The following SOX6 variants were observed in gnomAD, a reference collection of about 807,000 sequenced individuals.
The protein encoded by SOX6 is transcription factor SOX-6.
A neutral mutation model predicts 97.8 loss-of-function variants in SOX6; 11 were observed. That is an observed-to-expected ratio of 0.11 (90% CI 0.07 to 0.19). The LOEUF (loss-of-function observed/expected upper bound fraction) is 0.19. Among genes scored for constraint, SOX6 ranks in the 10% least tolerant of loss-of-function variants. The pLI, the probability that SOX6 is intolerant of heterozygous loss-of-function variation, is 1.00. For missense variants in SOX6, 810 were observed against 1,039.5 expected (o/e 0.78, Z 3.04); for synonymous variants, 360 against 371.4 (o/e 0.97, Z 0.35).
intron 4 of SOX6, among the ~76,000 whole-genome samples, chr11:16,490,477 C>T (rs894167194): frequency 6.6e-6 from 1 of 152,044 alleles, no homozygotes; most frequent in South Asian, 2.1e-4. Flanking sequence ...TGATAAAATT[C>T]TATGTTCACA....
chr11:16,437,987 A>G (rs934213626), intron 1 of SOX6, among the ~76,000 whole-genome samples: 2 of 152,042 alleles, frequency 1.3e-5, no homozygotes, highest in African/African-American at 2.4e-5. Flanking sequence ...ATCAGTAAAC[A>G]ATATTGGATA....
intron 13 of SOX6, among the ~76,000 whole-genome samples, chr11:16,012,003 T>C (rs1854745173): frequency 6.6e-6 from 1 of 152,068 alleles, no homozygotes; most frequent in South Asian, 2.1e-4. Flanking sequence ...ACCATATGTT[T>C]AAAGAGGTCA....
chr11:16,489,320 A>G (rs937261338), intron 4 of SOX6, among the ~76,000 whole-genome samples: 1 of 152,168 alleles, frequency 6.6e-6, no homozygotes, highest in Admixed American at 6.5e-5. Context: ...TGTCATTAAC[A>G]TGCAAGTAAA....
chr11:16,524,536 G>C (rs998101629), intron 4 of SOX6, among the ~76,000 whole-genome samples: 1 of 150,894 alleles, frequency 6.6e-6, no homozygotes, highest in Non-Finnish European at 1.5e-5. Context: ...TACTGAATGG[G>C]CAAAAACTGG....
chr11:16,537,320 C>A (rs752099569), intron 4 of SOX6, among the ~76,000 whole-genome samples: 2 of 152,152 alleles, frequency 1.3e-5, no homozygotes, highest in African/African-American at 2.4e-5. Flanking sequence ...ATCTGTAGGT[C>A]ACCAACATCA....
At chr11:16,064,259 G>A (rs1848037182) in intron 9 of SOX6, among the ~76,000 whole-genome samples, 1 of 151,598 alleles carries the variant, frequency 6.6e-6, no homozygotes, top group African/African-American at 2.4e-5. Flanking sequence ...GATAAAATGG[G>A]AATTGAGGGG....
At chr11:16,352,130 A>AT (rs1191241805) in intron 1 of SOX6, among the ~76,000 whole-genome samples, 1 of 152,070 alleles carries the variant, frequency 6.6e-6, no homozygotes, top group Non-Finnish European at 1.5e-5. Flanking sequence ...TGGACAATAA[A>AT]TTCACCTCAT....
At chr11:16,447,298 C>A (rs1049601957) in intron 1 of SOX6, among the ~76,000 whole-genome samples, 6 of 152,110 alleles carry the variant, frequency 3.9e-5, no homozygotes, top group Non-Finnish European at 7.4e-5. Flanking sequence ...AATATGAATT[C>A]TGGCTCTATC....
At chr11:16,531,309 C>T (rs545296809) in intron 4 of SOX6, among the ~76,000 whole-genome samples, 2 of 151,628 alleles carry the variant, frequency 1.3e-5, no homozygotes, top group South Asian at 2.1e-4. Flanking sequence ...CAGCAAGTAG[C>T]TATCCAGTAT....
chr11:15,968,982 G>T lies in SOX6; in HGVS notation c.*3827C>A. ...AGAAAAGTTGTCAGCCTAGCGGCTCGTATCCGCAAAGCGACCTTTTTTTTC... is the reference window on the plus strand; with the variant it reads ...AGAAAAGTTGTCAGCCTAGCGGCTCTTATCCGCAAAGCGACCTTTTTTTTC... On this transcript the variant is annotated 3_prime_UTR_variant, in exon 16 of 16. Transcript: ENST00000683767. 6.6e-6 allele frequency: 1 copy of T among 151,818 alleles called. No individual in the cohort carries two copies. The highest frequency in any genetic ancestry group is 1.9e-4 in the East Asian group (1 of 5,176). 9.4% of individuals were successfully genotyped at this position (151,818 alleles called of 1,614,324 possible).
intron 3 of SOX6, among the ~76,000 whole-genome samples, chr11:16,624,817 A>T (rs1848600474): frequency 1.3e-5 from 2 of 152,210 alleles, no homozygotes; most frequent in Non-Finnish European, 2.9e-5. Context: ...TCAGTTTTTT[A>T]AAAATATTAG....
chr11:16,475,442 G>A (rs763410403), intron 1 of SOX6, among the ~76,000 whole-genome samples: 3 of 152,076 alleles, frequency 2.0e-5, no homozygotes, highest in African/African-American at 4.8e-5. Context: ...GTCATTGTAG[G>A]GTTATTAATT....
At chr11:16,012,882 T>C (rs1482072126) in intron 13 of SOX6, among the ~76,000 whole-genome samples, 1 of 152,032 alleles carries the variant, frequency 6.6e-6, no homozygotes, top group African/African-American at 2.4e-5. Flanking sequence ...ATATAAACAC[T>C]TGATAAAAAA....
At chr11:16,203,955 GA>G (rs760619183) in intron 4 of SOX6, among the ~76,000 whole-genome samples, 1 of 151,462 alleles carries the variant, frequency 6.6e-6, no homozygotes, top group Non-Finnish European at 1.5e-5. Context: ...TTAGTAAAGT[GA>G]AAAAAAATAT....
At position 16,046,715 on chromosome 11, in the gene SOX6, A is replaced by T; in HGVS notation, c.1436-14T>A. 6.2e-7 allele frequency: 1 copy of T among 1,611,994 alleles called. No individual in the cohort carries two copies. The highest frequency in any genetic ancestry group is 8.5e-7 in the Non-Finnish European group (1 of 1,179,306). On this transcript the variant is annotated splice_polypyrimidine_tract_variant and intron_variant, in intron 11 of 15. Transcript: ENST00000683767. The stretch of plus-strand genomic sequence containing the variant: ...TAGATAGGATATCTGCATACACAGG[A>T]TGCATTATTAGATGCTTGTGAGGTC...
intron 3 of SOX6, among the ~76,000 whole-genome samples, chr11:16,252,030 T>A (rs1853529173): frequency 6.6e-6 from 1 of 152,060 alleles, no homozygotes; most frequent in African/African-American, 2.4e-5. Context: ...ACTAGGAGAG[T>A]ACCTTCAGAA....
At chr11:16,381,138 T>A (rs1341506017) in intron 1 of SOX6, among the ~76,000 whole-genome samples, 1 of 151,642 alleles carries the variant, frequency 6.6e-6, no homozygotes, top group East Asian at 1.9e-4. Context: ...TAAACACAGA[T>A]GAAGATGGTA....
intron 2 of SOX6, among the ~76,000 whole-genome samples, chr11:16,340,197 A>C (rs1378427496): frequency 6.6e-6 from 1 of 152,132 alleles, no homozygotes; most frequent in Non-Finnish European, 1.5e-5. Flanking sequence ...CTCAGTGTCC[A>C]CTTAAAATAA....
At chr11:16,715,288 A>G (rs1458290569) in intron 2 of SOX6, among the ~76,000 whole-genome samples, 1 of 152,216 alleles carries the variant, frequency 6.6e-6, no homozygotes, top group African/African-American at 2.4e-5. Flanking sequence ...ACTATTTTTG[A>G]TATGTTGGGT....
Sources: gnomAD v4.1 joint callset for allele counts (sites outside exome capture counted in the v4.1 genomes callset) on GRCh38, gnomAD v4.1.1 for gene constraint, MANE v1.5 for transcripts, NCBI Gene and HGNC (gene_info 2026-07-23, HGNC 2026-07-21) for gene names.